Variants in ZNF440 observed in about 807,000 individuals in gnomAD.
ZNF440 encodes the protein zinc finger protein 440.
A neutral mutation model predicts 49.7 loss-of-function variants in ZNF440; 47 were observed. That is an observed-to-expected ratio of 0.95 (90% CI 0.75 to 1.21). ZNF440 has a LOEUF of 1.21. ZNF440 is among the 50% of genes most tolerant of loss of function. The pLI is 0.00. For synonymous variants in ZNF440, 255 were observed against 237.7 expected (o/e 1.07, Z -0.67); for missense variants, 703 against 715.0 (o/e 0.98, Z 0.19).
chr19:11,828,601 T>A (rs1038422024), intron 1 of ZNF440, among the ~76,000 whole-genome samples: 4 of 152,188 alleles, frequency 2.6e-5, no homozygotes, highest in African/African-American at 9.6e-5. Context: ...TTCTCTAAGA[T>A]GAATTCTATT....
rs1975742759 is a variant in ZNF440, at chr19:11,817,256, AG to A, written c.3+2808del. On this transcript the variant is annotated intron_variant, in intron 1 of 3. Transcript: ENST00000304060. ...GAGAGTTCTTGGATCTCATACAGGA[AG>A]GAATTCAAGACGAGTCGGAAAGTAC... 2.0e-5 allele frequency: 3 copies of A among 152,218 alleles called. No homozygotes were observed. The South Asian group carries it at 6.2e-4, about 32-fold the overall frequency. The allele number at this position is 152,218 out of a possible 1,614,324, so 9.4% of individuals were successfully genotyped here.
intron 1 of ZNF440, among the ~76,000 whole-genome samples, chr19:11,825,951 G>T (rs1409365603): frequency 6.6e-6 from 1 of 151,792 alleles, no homozygotes; most frequent in Non-Finnish European, 1.5e-5. Flanking sequence ...GAGTAGCTGG[G>T]ATTACAGGCA....
At position 11,834,604 on chromosome 19, in the gene ZNF440, C is replaced by T. The variant is rs1975995480; in HGVS notation, c.*1640C>T. On this transcript the variant is annotated 3_prime_UTR_variant, in exon 4 of 4. Coordinates refer to ENST00000304060, the MANE Select transcript of ZNF440 (RefSeq NM_152357.3). The stretch of plus-strand genomic sequence containing the variant: ...TGAGATGTATGAGAATTACAAGTCA[C>T]ATTAGTAAGAAGAGAAAAATTTTGG... The T allele has an allele frequency of 2.0e-5, 3 of 152,164 alleles. No individual in the cohort carries two copies. Among genetic ancestry groups the T allele is most frequent in the African/African-American group, 7.2e-5 (3 of 41,428 alleles). The allele number at this position is 152,164 out of a possible 1,614,324, so 9.4% of individuals were successfully genotyped here.
chr19:11,815,255 C>T (rs1333736860), intron 1 of ZNF440, among the ~76,000 whole-genome samples: 1 of 145,638 alleles, frequency 6.9e-6, no homozygotes, highest in African/African-American at 2.6e-5. Flanking sequence ...CCAGCCTGGG[C>T]AACAGAGCGA....
At chr19:11,830,534 A>T in intron 2 of ZNF440, 83 bp from the exon 3 acceptor site, 31 of 1,599,722 alleles carry the variant, frequency 1.9e-5, no homozygotes, top group Non-Finnish European at 2.6e-5. Flanking sequence ...GTATGGCTGC[A>T]GTAAATCATG....
At chr19:11,819,685 C>G (rs1470291062) in intron 1 of ZNF440, among the ~76,000 whole-genome samples, 1 of 152,212 alleles carries the variant, frequency 6.6e-6, no homozygotes, top group East Asian at 1.9e-4. Flanking sequence ...CAGGAGTGAG[C>G]CACCATGCCT....
chr19:11,821,384 A>T (rs114382069), intron 1 of ZNF440, among the ~76,000 whole-genome samples: 92 of 152,254 alleles, frequency 6.0e-4, no homozygotes, highest in African/African-American at 1.9e-3. Flanking sequence ...GATGCTCAGC[A>T]TTTCTTTCCA....
chr19:11,829,883 C>G (rs1975912054), intron 1 of ZNF440: 1 of 172,154 alleles, frequency 5.8e-6, no homozygotes, highest in Admixed American at 6.0e-5. Flanking sequence ...CCTGTAATCC[C>G]AGAACTTTGG....
chr19:11,832,768 A>T lies in ZNF440; in HGVS notation c.1592A>T (p.Glu531Val), dbSNP rs368172250. 2 of 1,613,232 alleles carry T rather than the reference A, an allele frequency of 1.2e-6. No individual in the cohort carries two copies. Among genetic ancestry groups the T allele is most frequent in the Non-Finnish European group, 1.7e-6 (2 of 1,179,774 alleles). Residue 531 changes from glutamate to valine, a missense_variant, in exon 4 of 4, where the codon GAA (glutamate) becomes GTA (valine). Physicochemically the swap from Glu to Val is moderately radical, Grantham distance 121. Transcript: ENST00000304060. Reference sequence around the variant, plus strand: ...CCTTCAGAGCTGTGTCAATCCTTTGAATGCATGGTAGGACTCACCCTGAAG... The same window carrying T: ...CCTTCAGAGCTGTGTCAATCCTTTGTATGCATGGTAGGACTCACCCTGAAG... ...GKPSELCQSF[E>V]CMVGLTLKRN...
Position 11,832,588 on chromosome 19 carries a change from A to G in ZNF440, c.1412A>G (p.Lys471Arg), listed in dbSNP as rs1975963503. Residue 471 changes from lysine to arginine, a missense_variant, in exon 4 of 4, where the codon AAA becomes AGA. Coordinates refer to ENST00000304060, the MANE Select transcript of ZNF440 (RefSeq NM_152357.3). ...KICGKGFYCP[K>R]SFQRHEKTHT... is the part of the protein sequence containing the mutation. ...TGTGGGAAAGGCTTTTATTGTCCCA[A>G]ATCATTTCAAAGACATGAAAAAACT... The G allele has an allele frequency of 2.5e-6, 4 of 1,613,354 alleles. No homozygotes were observed. The highest frequency in any genetic ancestry group is 1.1e-5 in the South Asian group (1 of 91,004).
rs755010747 is a variant in ZNF440 at position 11,832,857 on chromosome 19, G to C, written c.1681G>C (p.Val561Leu). Residue 561 changes from valine (V) to leucine (L), a missense_variant, in exon 4 of 4, where the codon GTG becomes CTG. Val to Leu is a conservative substitution (Grantham distance 32, BLOSUM62 1). Coordinates refer to ENST00000304060, the MANE Select transcript of ZNF440 (RefSeq NM_152357.3). Reference protein sequence around the residue: ...PSDLPHTFEYVVGHTMERSPM... With the variant: ...PSDLPHTFEYLVGHTMERSPM... ...AGATCTGCCCCACACCTTTGAATAC[G>C]TGGTAGGACACACAATGGAGAGAAG... The C allele has an allele frequency of 9.9e-6, 16 of 1,611,634 alleles. No homozygotes were observed. The Admixed American group carries it at 2.7e-4, about 27-fold the overall frequency.
At chr19:11,816,181 AG>A (rs1326662763) in intron 1 of ZNF440, 3 of 156,088 alleles carry the variant, frequency 1.9e-5, no homozygotes, top group Admixed American at 6.5e-5. Flanking sequence ...GACCTGTGGA[AG>A]GGGGGTTAGA....
intron 1 of ZNF440, among the ~76,000 whole-genome samples, chr19:11,821,321 G>A (rs1018719430): frequency 6.6e-6 from 1 of 152,194 alleles, no homozygotes; most frequent in Non-Finnish European, 1.5e-5. Context: ...TGAATGCCTT[G>A]TGATGGAAGG....
At position 11,833,147 on chromosome 19, in the gene ZNF440, A is replaced by G; in HGVS notation, c.*183A>G. 2 of 1,370,596 alleles carry G rather than the reference A, an allele frequency of 1.5e-6. No individual in the cohort carries two copies. Among genetic ancestry groups the G allele is most frequent in the Non-Finnish European group, 2.1e-6 (2 of 972,844 alleles). 84.9% of individuals were successfully genotyped at this position (1,370,596 alleles called of 1,614,324 possible). On this transcript the variant is annotated 3_prime_UTR_variant, in exon 4 of 4. Coordinates refer to ENST00000304060, the MANE Select transcript of ZNF440 (RefSeq NM_152357.3). ...TCATGAAAGGACTCACACTGGAGAG[A>G]ACCCCTATGAGTGTAAGCAATTTGG...
intron 1 of ZNF440, among the ~76,000 whole-genome samples, chr19:11,821,921 C>T (rs1323448384): frequency 6.6e-6 from 1 of 152,220 alleles, no homozygotes; most frequent in African/African-American, 2.4e-5. Flanking sequence ...ATGAGGGCAG[C>T]ACAGCTGCAG....
chr19:11,823,829 G>A (rs1300223993), intron 1 of ZNF440, among the ~76,000 whole-genome samples: 4 of 152,090 alleles, frequency 2.6e-5, no homozygotes, highest in Non-Finnish European at 5.9e-5. Context: ...AGGCCTGGTG[G>A]CACATGCCTG....
At position 11,832,574 on chromosome 19, in the gene ZNF440, C is replaced by T; in HGVS notation, c.1398C>T (p.Gly466=). Residue 466 remains glycine (G), a synonymous_variant, in exon 4 of 4, where the codon GGC becomes GGT. Transcript: ENST00000304060. Reference sequence around the variant, plus strand: ...ATAAATGTAAGATATGTGGGAAAGGCTTTTATTGTCCCAAATCATTTCAAA... The same window carrying T: ...ATAAATGTAAGATATGTGGGAAAGGTTTTTATTGTCCCAAATCATTTCAAA... ...RRYKCKICGK[G]FYCPKSFQRH... is the part of the protein sequence containing the mutation. 5 of 1,613,866 alleles carry T rather than the reference C, an allele frequency of 3.1e-6. No individual in the cohort carries two copies. Among genetic ancestry groups the T allele is most frequent in the East Asian group, 2.2e-5 (1 of 44,868 alleles).
At chr19:11,820,374 G>T (rs900576463) in intron 1 of ZNF440, among the ~76,000 whole-genome samples, 3 of 151,976 alleles carry the variant, frequency 2.0e-5, no homozygotes, top group Non-Finnish European at 4.4e-5. Flanking sequence ...CTGCCACCAC[G>T]CCCGGCTAAT....
In ZNF440 at chr19:11,833,698, C is replaced by A; in HGVS notation, c.*734C>A. 2 of 588,384 alleles carry A rather than the reference C, an allele frequency of 3.4e-6. No individual in the cohort carries two copies. Among genetic ancestry groups the A allele is most frequent in the Non-Finnish European group, 5.6e-6 (2 of 359,012 alleles). The allele number at this position is 588,384 out of a possible 1,614,324, so 36.4% of individuals were successfully genotyped here. ...GGGAAAGCCTTCATTTCTTCTAGTTCCCTTCAATATCATGAAAGGACTCAC... is the reference window on the plus strand; with the variant it reads ...GGGAAAGCCTTCATTTCTTCTAGTTACCTTCAATATCATGAAAGGACTCAC... On this transcript the variant is annotated 3_prime_UTR_variant, in exon 4 of 4. Coordinates refer to ENST00000304060, the MANE Select transcript of ZNF440 (RefSeq NM_152357.3).
Sources: allele counts gnomAD v4.1 joint callset (sites outside exome capture counted in the v4.1 genomes callset), GRCh38; gene constraint gnomAD v4.1.1; transcripts MANE v1.5; gene names NCBI Gene and HGNC (gene_info 2026-07-23, HGNC 2026-07-21).